RBFOX1: variants seen among roughly 807,000 people sequenced by gnomAD.
RBFOX1 encodes the protein RNA binding fox-1 homolog 1, also known as RNA binding protein fox-1 homolog 1.
RBFOX1 carries 8 observed loss-of-function variants against 57.7 expected under a neutral mutation model. The observed-to-expected ratio is 0.14, with a 90% CI of 0.08 to 0.25. RBFOX1 has a LOEUF of 0.25. Ranked by LOEUF, RBFOX1 falls within the 10% of genes least tolerant of loss-of-function variation. The probability of loss-of-function intolerance (pLI) is 1.00; values close to 1 mark genes in which losing one functional copy is unlikely to be tolerated. For synonymous variants in RBFOX1, 326 were observed against 222.4 expected (o/e 1.47, Z -4.15); for missense variants, 611 against 548.5 (o/e 1.11, Z -1.14).
intron 4 of RBFOX1, among the ~76,000 whole-genome samples, chr16:7,230,481 A>C (rs2093434133): frequency 6.6e-6 from 1 of 152,126 alleles, no homozygotes; most frequent in Non-Finnish European, 1.5e-5. Context: ...CAAGGGTTTC[A>C]CATTCAGGAA....
At chr16:6,646,447 G>C (rs76519706) in intron 2 of RBFOX1, among the ~76,000 whole-genome samples, 2,335 of 152,118 alleles carry the variant, frequency 0.015, 66 homozygotes, top group African/African-American at 0.053. Flanking sequence ...CTCTGATTCT[G>C]CCAGATCGCT....
At chr16:7,338,304 C>G (rs777117988) in intron 4 of RBFOX1, among the ~76,000 whole-genome samples, 6 of 150,714 alleles carry the variant, frequency 4.0e-5, no homozygotes, top group Admixed American at 3.3e-4. Flanking sequence ...CCAGCCTAAA[C>G]TTTCTATAGC....
At chr16:6,964,883 C>G (rs999962739) in intron 3 of RBFOX1, among the ~76,000 whole-genome samples, 7 of 152,286 alleles carry the variant, frequency 4.6e-5, no homozygotes, top group African/African-American at 1.7e-4. Flanking sequence ...GCAAGTCACT[C>G]CTTAACCTCC....
chr16:7,470,397 A>G (rs192454429), intron 4 of RBFOX1, among the ~76,000 whole-genome samples: 7 of 152,282 alleles, frequency 4.6e-5, no homozygotes, highest in Admixed American at 4.6e-4. Flanking sequence ...GAATGAATGG[A>G]TAGTTGGTTG....
At chr16:7,178,019 A>T (rs1303460701) in intron 4 of RBFOX1, among the ~76,000 whole-genome samples, 1 of 152,214 alleles carries the variant, frequency 6.6e-6, no homozygotes, top group Non-Finnish European at 1.5e-5. Flanking sequence ...AATCTCTGAG[A>T]GTAAAGGCCA....
rs1328651970 is a variant in RBFOX1, at chr16:6,767,944, T to TAAGAAGAAGAAG, written c.-16+113296_-16+113297insGAAGAAGAAGAA. 5.7e-3 allele frequency among the ~76,000 whole-genome samples: 493 copies of TAAGAAGAAGAAG among 86,536 alleles called. 2 individuals are homozygous for TAAGAAGAAGAAG. Among genetic ancestry groups the TAAGAAGAAGAAG allele is most frequent in the African/African-American group, 0.012 (216 of 17,850 alleles). The allele number at this position is 86,536 out of a possible 152,430, so 56.8% of individuals were successfully genotyped here. A position where few individuals can be genotyped will look rare whatever the true frequency, so the allele number is the denominator to read the frequency against. ...ATAATAATAATAATAATAATAATAA[T>TAAGAAGAAGAAG]AATAAGAAGAAGAAGAAGAAGAAGA... On this transcript the variant is annotated intron_variant, in intron 3 of 15. Transcript: ENST00000550418.
At chr16:6,013,255 A>G (rs534248109) in intron 4 of RBFOX1, among the ~76,000 whole-genome samples, 3 of 152,338 alleles carry the variant, frequency 2.0e-5, no homozygotes, top group Non-Finnish European at 4.4e-5. Context: ...ACTAAATAGC[A>G]TATAAACAAG....
At chr16:7,420,952 C>G (rs1332048955) in intron 4 of RBFOX1, among the ~76,000 whole-genome samples, 1 of 148,680 alleles carries the variant, frequency 6.7e-6, no homozygotes, top group African/African-American at 2.5e-5. Context: ...CACACACACA[C>G]ACACACACAT....
At chr16:6,869,137 C>G (rs1463191428) in intron 3 of RBFOX1, among the ~76,000 whole-genome samples, 1 of 152,202 alleles carries the variant, frequency 6.6e-6, no homozygotes, top group East Asian at 1.9e-4. Context: ...CTGGCTTATG[C>G]ATCTTGCCTC....
At position 6,433,924 on chromosome 16, in the gene RBFOX1, C is replaced by A. The variant is rs1332242317; in HGVS notation, c.-64+116867C>A. 2.0e-5 allele frequency among the ~76,000 whole-genome samples: 3 copies of A among 150,966 alleles called. No homozygotes were observed. The East Asian group carries it at 5.9e-4, about 30-fold the overall frequency. ...ATATAGTGGCACCATCTCTGCTCAC[C>A]GTAACCTCCACCTCCCGGGTTCAAG... On this transcript the variant is annotated intron_variant, in intron 2 of 15. Transcript: ENST00000550418.
rs563088287 is a variant in RBFOX1 at position 7,464,743 on chromosome 16, C to G, written c.28-53404C>G. Among the ~76,000 whole-genome samples, 23 of 117,824 alleles carry G rather than the reference C, an allele frequency of 2.0e-4. No homozygotes were observed. In the East Asian group the frequency reaches 6.1e-3, roughly 31 times the overall value. The allele number at this position is 117,824 out of a possible 152,430, so 77.3% of individuals were successfully genotyped here. On this transcript the variant is annotated intron_variant, in intron 4 of 15. Transcript: ENST00000550418. ...ACAGAGTCTTGCTCTGTCGCCCAGG[C>G]TGGAGTGCAGTCGCGTGATCTCGGC... is the stretch of plus-strand genomic sequence containing the variant.
intron 3 of RBFOX1, among the ~76,000 whole-genome samples, chr16:5,607,586 G>A (rs1241153646): frequency 6.6e-6 from 1 of 152,152 alleles, no homozygotes; most frequent in East Asian, 1.9e-4. Flanking sequence ...CCTATCTCCT[G>A]ATGGGGTGCC....
At chr16:6,486,016 T>G (rs72760960) in intron 2 of RBFOX1, among the ~76,000 whole-genome samples, 21,653 of 131,776 alleles carry the variant, frequency 0.16, 1,869 homozygotes, top group Middle Eastern at 0.25. Context: ...TAATTATTTT[T>G]CTTTTTTTTT....
At chr16:6,608,423 G>C (rs1392566130) in intron 2 of RBFOX1, among the ~76,000 whole-genome samples, 2 of 152,132 alleles carry the variant, frequency 1.3e-5, no homozygotes, top group African/African-American at 4.8e-5. Flanking sequence ...CTGCAAAATG[G>C]GGATAACAGT....
chr16:7,501,854 C>G (rs534449747), intron 4 of RBFOX1, among the ~76,000 whole-genome samples: 1 of 152,296 alleles, frequency 6.6e-6, no homozygotes, highest in African/African-American at 2.4e-5. Flanking sequence ...CTAGGCTATT[C>G]TATGACTCCT....
intron 4 of RBFOX1, among the ~76,000 whole-genome samples, chr16:7,181,741 G>A (rs1435161233): frequency 6.6e-6 from 1 of 151,816 alleles, no homozygotes; most frequent in African/African-American, 2.4e-5. Flanking sequence ...TTGTATTTTT[G>A]GTAGAGACAC....
intron 4 of RBFOX1, among the ~76,000 whole-genome samples, chr16:7,390,996 TCTTC>T (rs540626126): frequency 1.3e-5 from 2 of 152,004 alleles, no homozygotes; most frequent in Non-Finnish European, 2.9e-5. Context: ...GGGTGTGGGG[TCTTC>T]CTTGCTGACC....
chr16:6,015,314 CCTT>C (rs1299307002), upstream of RBFOX1, among the ~76,000 whole-genome samples: 1 of 152,074 alleles, frequency 6.6e-6, no homozygotes, highest in South Asian at 2.1e-4. Context: ...TTTACACTGA[CCTT>C]CTGGAAAAGT....
chr16:7,525,277 G>A (rs1303621603), intron 5 of RBFOX1, among the ~76,000 whole-genome samples: 1 of 151,966 alleles, frequency 6.6e-6, no homozygotes, highest in African/African-American at 2.4e-5. Flanking sequence ...ATATTTAGGG[G>A]TTCAGTCATT....
Sources: gnomAD v4.1 joint callset for allele counts (sites outside exome capture counted in the v4.1 genomes callset) on GRCh38, gnomAD v4.1.1 for gene constraint, MANE v1.5 for transcripts, NCBI Gene and HGNC (gene_info 2026-07-23, HGNC 2026-07-21) for gene names.